Variants in ADAMTSL1 observed in about 807,000 individuals in gnomAD.
ADAMTSL1 encodes ADAMTS like 1.
Under a neutral mutation model 201.8 loss-of-function variants are expected in ADAMTSL1, and 126 were observed. The observed-to-expected ratio is 0.62, with a 90% CI of 0.54 to 0.72. The LOEUF (loss-of-function observed/expected upper bound fraction) is 0.72, where lower values mean the gene tolerates loss of function less well. Among genes scored for constraint, ADAMTSL1 ranks in the 30% least tolerant of loss-of-function variants. The pLI, the probability that ADAMTSL1 is intolerant of heterozygous loss-of-function variation, is 0.00. For missense variants in ADAMTSL1, 2,679 were observed against 2,277.8 expected (o/e 1.18, Z -3.59); for synonymous variants, 1,121 against 903.4 (o/e 1.24, Z -4.32).
At chr9:18,588,172 G>T (rs186709864) in intron 4 of ADAMTSL1, among the ~76,000 whole-genome samples, 5 of 152,072 alleles carry the variant, frequency 3.3e-5, no homozygotes, top group Admixed American at 3.3e-4. Flanking sequence ...ACTCTGAGGC[G>T]AAATGATACA....
chr9:18,622,544 G>C (rs546585944), intron 5 of ADAMTSL1, 175 bp downstream of exon 5: 2 of 921,058 alleles, frequency 2.2e-6, no homozygotes, highest in Admixed American at 2.8e-5. Context: ...GACAAGTCAG[G>C]TTACCAGCTG....
intron 2 of ADAMTSL1, among the ~76,000 whole-genome samples, chr9:18,356,507 A>C (rs76584174): frequency 0.085 from 11,808 of 138,194 alleles, 689 homozygotes; most frequent in Non-Finnish European, 0.12. Flanking sequence ...AGCTTGGGGG[A>C]CACAGTGAGA....
rs557414568 is a variant in ADAMTSL1, at chr9:18,283,245, A to G, written c.207+119264A>G. Among the ~76,000 whole-genome samples, 442 of 152,206 alleles carry G rather than the reference A, an allele frequency of 2.9e-3. 1 individual carries two copies. The highest frequency in any genetic ancestry group is 9.6e-3 in the African/African-American group (397 of 41,526). On this transcript the variant is annotated intron_variant, in intron 2 of 29. Coordinates refer to the ADAMTSL1 transcript ENST00000680146. ...TGTCTTAAGATCTATTTTGTCTGAT[A>G]TTAATATCATCTCTCCAGTCTTATG...
chr9:17,983,334 G>A (rs980807873), intron 1 of ADAMTSL1, among the ~76,000 whole-genome samples: 25 of 152,054 alleles, frequency 1.6e-4, no homozygotes, highest in African/African-American at 5.1e-4. Flanking sequence ...CTCCCAAAGT[G>A]CTGGGATTAC....
At chr9:18,008,427 C>T (rs1318855470) in intron 1 of ADAMTSL1, among the ~76,000 whole-genome samples, 6 of 151,914 alleles carry the variant, frequency 3.9e-5, no homozygotes, top group East Asian at 3.9e-4. Context: ...TGAGGCCCTG[C>T]GTGATTCAGC....
intron 15 of ADAMTSL1, among the ~76,000 whole-genome samples, chr9:18,746,590 G>A (rs1002594000): frequency 1.3e-5 from 2 of 152,052 alleles, no homozygotes; most frequent in Admixed American, 6.6e-5. Flanking sequence ...TGCAAAAGTC[G>A]AGGTAAAAGA....
intron 2 of ADAMTSL1, among the ~76,000 whole-genome samples, chr9:18,301,237 TA>T (rs1287900950): frequency 4.6e-5 from 7 of 152,156 alleles, no homozygotes; most frequent in African/African-American, 1.7e-4. Flanking sequence ...TTAAAAGGTA[TA>T]AAAACAATGC....
At chr9:18,879,902 C>T (rs1828421419) in intron 23 of ADAMTSL1, among the ~76,000 whole-genome samples, 1 of 152,200 alleles carries the variant, frequency 6.6e-6, no homozygotes, top group Non-Finnish European at 1.5e-5. Flanking sequence ...CTCTCAAACC[C>T]TGCCACTGCT....
chr9:18,890,503 A>G, intron 25 of ADAMTSL1: 1 of 455,952 alleles, frequency 2.2e-6, no homozygotes, highest in South Asian at 1.5e-5. Flanking sequence ...TTTACTACCT[A>G]TCTGTAGGAC....
intron 7 of ADAMTSL1, among the ~76,000 whole-genome samples, chr9:18,639,742 T>C (rs115520731): frequency 1.1e-3 from 174 of 152,266 alleles, no homozygotes; most frequent in African/African-American, 4.1e-3. Context: ...CATTGACTTA[T>C]ATAGGCTATC....
intron 13 of ADAMTSL1, among the ~76,000 whole-genome samples, chr9:18,699,822 A>C (rs1831816711): frequency 6.6e-6 from 1 of 152,200 alleles, no homozygotes; most frequent in Non-Finnish European, 1.5e-5. Flanking sequence ...ACAGTGCTGA[A>C]GATGCCTCAT....
chr9:17,996,878 TA>T (rs1394717250), intron 1 of ADAMTSL1, among the ~76,000 whole-genome samples: 1 of 152,178 alleles, frequency 6.6e-6, no homozygotes, highest in Admixed American at 6.5e-5. Context: ...TTTGGTAACA[TA>T]AGCTGCAGAA....
At chr9:18,869,889 C>T (rs559512829) in intron 23 of ADAMTSL1, among the ~76,000 whole-genome samples, 1 of 151,676 alleles carries the variant, frequency 6.6e-6, no homozygotes, top group Admixed American at 6.6e-5. Flanking sequence ...TAGTTATTTT[C>T]TTCTTTCTTT....
At chr9:18,453,713 G>A (rs75718224) in intron 2 of ADAMTSL1, among the ~76,000 whole-genome samples, 1 of 152,052 alleles carries the variant, frequency 6.6e-6, no homozygotes, top group East Asian at 1.9e-4. Flanking sequence ...CCTACAGGAT[G>A]GAAATAATTT....
At chr9:18,230,235 A>T (rs1453631488) in intron 2 of ADAMTSL1, among the ~76,000 whole-genome samples, 3 of 152,122 alleles carry the variant, frequency 2.0e-5, no homozygotes, top group Admixed American at 2.0e-4. Flanking sequence ...CATCATATGC[A>T]CACATGCTAT....
At chr9:18,060,902 A>C (rs567303458) in intron 1 of ADAMTSL1, among the ~76,000 whole-genome samples, 6 of 152,294 alleles carry the variant, frequency 3.9e-5, no homozygotes, top group African/African-American at 1.4e-4. Context: ...CAAACATTTA[A>C]AAACTTCTCC....
At chr9:18,155,299 T>C (rs1012152916) in intron 1 of ADAMTSL1, among the ~76,000 whole-genome samples, 3 of 152,034 alleles carry the variant, frequency 2.0e-5, no homozygotes, top group Non-Finnish European at 4.4e-5. Context: ...CTGGATATAG[T>C]GAGGATCTGA....
intron 23 of ADAMTSL1, among the ~76,000 whole-genome samples, chr9:18,852,123 G>A (rs1323290801): frequency 6.6e-6 from 1 of 152,096 alleles, no homozygotes; most frequent in African/African-American, 2.4e-5. Flanking sequence ...TCTCTACTGG[G>A]GTCCTTTACA....
intron 25 of ADAMTSL1, among the ~76,000 whole-genome samples, chr9:18,891,381 GA>G: frequency 7.0e-6 from 1 of 141,980 alleles, no homozygotes; most frequent in Middle Eastern, 3.5e-3. Context: ...CAAAGAGTGG[GA>G]TTTTTTTGTT....
Sources: allele counts gnomAD v4.1 joint callset (sites outside exome capture counted in the v4.1 genomes callset), GRCh38; gene constraint gnomAD v4.1.1; transcripts MANE v1.5; gene names NCBI Gene and HGNC (gene_info 2026-07-23, HGNC 2026-07-21).